RAB3B: variants seen among roughly 807,000 people sequenced by gnomAD.
RAB3B encodes the protein ras-related protein Rab-3B.
RAB3B carries 11 observed loss-of-function variants against 20.5 expected under a neutral mutation model. The observed-to-expected ratio is 0.54, with a 90% confidence interval of 0.34 to 0.89. The LOEUF (loss-of-function observed/expected upper bound fraction) is 0.89, where lower values mean the gene tolerates loss of function less well. Ranked by LOEUF, RAB3B falls within the 40% of genes least tolerant of loss-of-function variation. RAB3B has a pLI of 0.02. For missense variants in RAB3B, 225 were observed against 280.9 expected, an observed-to-expected ratio of 0.80 and a Z score of 1.42; for synonymous variants, 99 against 106.3, an observed-to-expected ratio of 0.93 and a Z score of 0.42.
At chr1:51,989,433 A>G (rs1232746863) in intron 1 of RAB3B, among the ~76,000 whole-genome samples, 1 of 151,890 alleles carries the variant, frequency 6.6e-6, no homozygotes, top group African/African-American at 2.4e-5. Context: ...AACAAGGTCC[A>G]GTGCCTGGGT....
intron 2 of RAB3B, among the ~76,000 whole-genome samples, chr1:51,962,773 G>A (rs1465063336): frequency 1.3e-5 from 2 of 152,084 alleles, no homozygotes; most frequent in Non-Finnish European, 2.9e-5. Context: ...CCTCCTTGCT[G>A]TAATCAAAGC....
intron 2 of RAB3B, among the ~76,000 whole-genome samples, chr1:51,950,279 A>G (rs1483803142): frequency 6.6e-6 from 1 of 152,220 alleles, no homozygotes; most frequent in African/African-American, 2.4e-5. Flanking sequence ...ACCTGTCCCT[A>G]TCTGCCTAGG....
chr1:51,949,404 G>A (rs1034190478), intron 2 of RAB3B, among the ~76,000 whole-genome samples: 5 of 152,170 alleles, frequency 3.3e-5, no homozygotes, highest in African/African-American at 1.2e-4. Context: ...CTCACAGAAG[G>A]AGACACCCCA....
chr1:51,986,757 G>A (rs1685156664), intron 1 of RAB3B, among the ~76,000 whole-genome samples: 1 of 152,222 alleles, frequency 6.6e-6, no homozygotes, highest in Admixed American at 6.5e-5. Flanking sequence ...ACGGGGAGAG[G>A]CAGAGAGCTG....
intron 4 of RAB3B, among the ~76,000 whole-genome samples, chr1:51,925,809 A>G (rs543166913): frequency 6.6e-6 from 1 of 152,340 alleles, no homozygotes; most frequent in South Asian, 2.1e-4. Flanking sequence ...TATTCTTTAA[A>G]CCAGAAGGAA....
At chr1:51,951,954 T>C (rs1354485570) in intron 2 of RAB3B, among the ~76,000 whole-genome samples, 1 of 152,204 alleles carries the variant, frequency 6.6e-6, no homozygotes, top group African/African-American at 2.4e-5. Context: ...TGTAATCCTA[T>C]CTAATCTTTG....
At chr1:51,974,984 C>T (rs781711854) in intron 2 of RAB3B, among the ~76,000 whole-genome samples, 4 of 152,174 alleles carry the variant, frequency 2.6e-5, no homozygotes, top group Admixed American at 6.5e-5. Flanking sequence ...GAAACCAACA[C>T]GGGTGGATCA....
At chr1:51,944,094 G>A (rs1684531137) in intron 2 of RAB3B, among the ~76,000 whole-genome samples, 1 of 152,160 alleles carries the variant, frequency 6.6e-6, no homozygotes, top group African/African-American at 2.4e-5. Flanking sequence ...TCTCGTTAGG[G>A]GTTAATGCAG....
rs960018167 is a variant in RAB3B, at chr1:51,918,731, A to G, written c.*1196T>C. 6.6e-6 allele frequency: 1 copy of G among 152,228 alleles called. No individual in the cohort carries two copies. Among genetic ancestry groups the G allele is most frequent in the African/African-American group, 2.4e-5 (1 of 41,464 alleles). The allele number at this position is 152,228 out of a possible 1,614,324, so 9.4% of individuals were successfully genotyped here. A position where few individuals can be genotyped will look rare whatever the true frequency, so the allele number is the denominator to read the frequency against. On this transcript the variant is annotated 3_prime_UTR_variant, in exon 5 of 5. Coordinates refer to ENST00000371655, the MANE Select transcript of RAB3B (RefSeq NM_002867.4). The stretch of plus-strand genomic sequence containing the variant: ...TTAGAACTGACTAGTCAGACTAGGT[A>G]AATTTGGGCATCCCGTCAAATCTAA...
chr1:51,960,779 C>T (rs1336912190), intron 2 of RAB3B, among the ~76,000 whole-genome samples: 1 of 152,144 alleles, frequency 6.6e-6, no homozygotes, highest in Non-Finnish European at 1.5e-5. Flanking sequence ...TTGATGACTC[C>T]GCCTTGTAAG....
intron 1 of RAB3B, among the ~76,000 whole-genome samples, chr1:51,977,477 A>G (rs1416650554): frequency 6.6e-6 from 1 of 152,218 alleles, no homozygotes; most frequent in Non-Finnish European, 1.5e-5. Context: ...AAAGCAGTAG[A>G]TAAGTGATAA....
intron 2 of RAB3B, among the ~76,000 whole-genome samples, chr1:51,974,497 G>A (rs546236222): frequency 6.6e-6 from 1 of 152,290 alleles, no homozygotes; most frequent in South Asian, 2.1e-4. Flanking sequence ...TAGACGACCC[G>A]TATAGCTTCT....
At chr1:51,982,613 C>A (rs561519111) in intron 1 of RAB3B, among the ~76,000 whole-genome samples, 34 of 151,926 alleles carry the variant, frequency 2.2e-4, no homozygotes, top group African/African-American at 7.7e-4. Context: ...ATTAGCCAGG[C>A]GTGGTGGTGC....
Position 51,910,285 on chromosome 1 carries a change from G to C in RAB3B, c.*9642C>G, listed in dbSNP as rs1056022210. 2.0e-5 allele frequency: 3 copies of C among 152,184 alleles called. No homozygotes were observed. Among genetic ancestry groups the C allele is most frequent in the African/African-American group, 7.2e-5 (3 of 41,454 alleles). 9.4% of individuals were successfully genotyped at this position (152,184 alleles called of 1,614,324 possible). A position where few individuals can be genotyped will look rare whatever the true frequency, so the allele number is the denominator to read the frequency against. ...GCATGGCAGAGTTTGTCCTGAGAAAGATCTTGCCCAGCTCAGCCTGGCACA... is the reference window on the plus strand; with the variant it reads ...GCATGGCAGAGTTTGTCCTGAGAAACATCTTGCCCAGCTCAGCCTGGCACA... On this transcript the variant is annotated 3_prime_UTR_variant, in exon 5 of 5. Transcript: ENST00000371655.
intron 2 of RAB3B, among the ~76,000 whole-genome samples, chr1:51,967,623 G>T (rs1684875356): frequency 6.9e-6 from 1 of 145,228 alleles, no homozygotes; most frequent in African/African-American, 2.5e-5. Context: ...CCAGGCTCAA[G>T]TGATCCTCTG....
chr1:51,916,425 G>A lies in RAB3B; in HGVS notation c.*3502C>T, dbSNP rs1684086120. On this transcript the variant is annotated 3_prime_UTR_variant, in exon 5 of 5. Transcript: ENST00000371655. The stretch of plus-strand genomic sequence containing the variant: ...ATACTAAAATATCCAGGCGTCATGA[G>A]GACCTTGGTCTGAAATCCTAGTACT... 1 of 152,210 alleles carries A rather than the reference G, an allele frequency of 6.6e-6. No homozygotes were observed. Among genetic ancestry groups the A allele is most frequent in the Non-Finnish European group, 1.5e-5 (1 of 68,040 alleles). The allele number at this position is 152,210 out of a possible 1,614,324, so 9.4% of individuals were successfully genotyped here.
intron 2 of RAB3B, among the ~76,000 whole-genome samples, chr1:51,957,425 A>G (rs1289770671): frequency 1.3e-5 from 2 of 152,170 alleles, no homozygotes; most frequent in East Asian, 3.8e-4. Flanking sequence ...TAATGAACAG[A>G]CAGTGTGAAG....
In RAB3B at chr1:51,933,389, C is replaced by G. The variant is rs749762658; in HGVS notation, c.401G>C (p.Gly134Ala). Residue 134 changes from glycine to alanine, a missense_variant, in exon 4 of 5, where the codon GGG becomes GCG. Gly to Ala is a moderately conservative substitution (Grantham distance 60). Coordinates refer to ENST00000371655, the MANE Select transcript of RAB3B (RefSeq NM_002867.4). The stretch of plus-strand genomic sequence containing the variant: ...CTCTTCCTCCATGTCACACTTGTTC[C>G]CCACCAGAATAACTTGTGCATTGTC... ...SWDNAQVILV[G>A]NKCDMEEERV... 5.6e-6 allele frequency: 9 copies of G among 1,613,700 alleles called. No individual in the cohort carries two copies. The highest frequency in any genetic ancestry group is 8.5e-7 in the Non-Finnish European group (1 of 1,179,760).
chr1:51,966,319 A>G (rs945541561), intron 2 of RAB3B, among the ~76,000 whole-genome samples: 3 of 152,164 alleles, frequency 2.0e-5, no homozygotes, highest in African/African-American at 7.2e-5. Context: ...CACTTTCTTC[A>G]TCCCTTTATT....
Sources: gnomAD v4.1 joint callset for allele counts (sites outside exome capture counted in the v4.1 genomes callset) on GRCh38, gnomAD v4.1.1 for gene constraint, MANE v1.5 for transcripts, NCBI Gene and HGNC (gene_info 2026-07-23, HGNC 2026-07-21) for gene names.